The following EHMT2 variants were observed in gnomAD, a reference collection of about 807,000 sequenced individuals.
EHMT2 encodes histone-lysine N-methyltransferase EHMT2.
EHMT2 carries 59 observed loss-of-function variants against 143.3 expected under a neutral mutation model. That is an observed-to-expected ratio of 0.41 (90% CI 0.33 to 0.51). The LOEUF (loss-of-function observed/expected upper bound fraction) is 0.51, where lower values mean the gene tolerates loss of function less well. Among genes scored for constraint, EHMT2 ranks in the 20% least tolerant of loss-of-function variants. EHMT2 has a pLI of 0.18. For missense variants in EHMT2, 1,174 were observed against 1,645.9 expected, an observed-to-expected ratio of 0.71 and a Z score of 4.96; for synonymous variants, 604 against 651.5, an observed-to-expected ratio of 0.93 and a Z score of 1.11.
Position 31,889,716 on chromosome 6 carries a change from G to T in EHMT2, c.865-114C>A. 1 of 1,344,398 alleles carries T rather than the reference G, an allele frequency of 7.4e-7. No individual in the cohort carries two copies. The highest frequency in any genetic ancestry group is 1.0e-6 in the Non-Finnish European group (1 of 957,818). 83.3% of individuals were successfully genotyped at this position (1,344,398 alleles called of 1,614,324 possible). ...CCACTACCCACGGATGGCTGCTGGG[G>T]ATAAGTGTGGGTAGCAGAGGAGACA... On this transcript the variant is annotated intron_variant, in intron 7 of 27. Transcript: ENST00000375537. This position sits in a 1 kb window ranked among gnomAD's most constrained non-coding sequence, Gnocchi z 5.1.
Position 31,896,473 on chromosome 6 carries a change from A to ACAGCAAGG in EHMT2, c.371_372insCCTTGCTG (p.Ser125LeufsTer13). 6.2e-7 allele frequency: 1 copy of ACAGCAAGG among 1,612,822 alleles called. No homozygotes were observed. Among genetic ancestry groups the ACAGCAAGG allele is most frequent in the South Asian group, 1.1e-5 (1 of 91,068 alleles). On this transcript the variant is annotated frameshift_variant, in exon 4 of 28. Transcript: ENST00000375537. LOFTEE classifies it high-confidence loss of function. Reference sequence around the variant, plus strand: ...ACATCTTGGCCCGGCTAGGACAGGAACCCCCCTTGCTGGGGGAAGAGGGGA... The same window carrying ACAGCAAGG: ...ACATCTTGGCCCGGCTAGGACAGGAACAGCAAGGCCCCCCTTGCTGGGGGAAGAGGGGA...
rs748231118 is a variant in EHMT2, at chr6:31,889,327, G to A, written c.1015C>T (p.Arg339Trp). The stretch of plus-strand genomic sequence containing the variant: ...CGCCATTTCTTCTTGGCCTTGCGCC[G>A]GCCACTGGAACCACTCTGGGAAGGG... The change falls in exon 9 of 28, where the codon CGG becomes TGG. Residue 339 changes from arginine to tryptophan, a missense_variant. Coordinates refer to ENST00000375537, the Ensembl canonical transcript of EHMT2. The surrounding 1 kb of genome is among the most constrained non-coding windows in gnomAD (Gnocchi z 5.1). The A allele has an allele frequency of 1.9e-6, 3 of 1,611,976 alleles. No homozygotes were observed. Among genetic ancestry groups the A allele is most frequent in the Middle Eastern group, 3.3e-4 (2 of 6,062 alleles).
chr6:31,894,800 C>A (rs1369537094), intron 4 of EHMT2, among the ~76,000 whole-genome samples: 1 of 137,826 alleles, frequency 7.3e-6, no homozygotes, highest in East Asian at 2.2e-4. Context: ...CGCCACCACA[C>A]CTGGCTAATT....
rs1280518268 is a variant in EHMT2, at chr6:31,880,264, C to T, written c.3453G>A (p.Gly1151=). Residue 1151 remains glycine (G), a splice_region_variant and synonymous_variant, in exon 28 of 28, where the codon GGG becomes GGA. Transcript: ENST00000375537. The surrounding 1 kb of genome is among the most constrained non-coding windows in gnomAD (Gnocchi z 6.6). ...CCCAGAAGCGGTCGCCATAGTCAAA[C>T]CTGTCAGAGGAAAACAGGAGCTTGT... is the stretch of plus-strand genomic sequence containing the variant. The T allele has an allele frequency of 2.5e-6, 4 of 1,609,958 alleles. No homozygotes were observed. The highest frequency in any genetic ancestry group is 3.4e-6 in the Non-Finnish European group (4 of 1,177,532).
Position 31,896,918 on chromosome 6 carries a change from C to A in EHMT2, c.109+5G>T. Reference sequence around the variant, plus strand: ...CCAATTGGGGCCCGTTTTAGCTGCACTCACCTCTCTCGGTGGCTCCTCTGG... The same window carrying A: ...CCAATTGGGGCCCGTTTTAGCTGCAATCACCTCTCTCGGTGGCTCCTCTGG... On this transcript the variant is annotated splice_donor_5th_base_variant and intron_variant, in intron 2 of 27. Transcript: ENST00000375537. 6.2e-7 allele frequency: 1 copy of A among 1,603,904 alleles called. No individual in the cohort carries two copies. The highest frequency in any genetic ancestry group is 8.5e-7 in the Non-Finnish European group (1 of 1,176,644).
rs1384997595 is a variant in EHMT2 at position 31,880,713 on chromosome 6, A to C, written c.3412T>G (p.Phe1138Val). The stretch of plus-strand genomic sequence containing the variant: ...GTCCGGATGTCTCGGGAACTGAAGA[A>C]GGCGATGCGTGGAAATCGCAGGTCT... The change falls in exon 27 of 28, where the codon TTC becomes GTC. Residue 1138 changes from phenylalanine (F) to valine (V), a missense_variant. By Grantham distance (50) the Phe-to-Val change is conservative. Around this residue, in one of 6 missense-constraint regions of EHMT2, gnomAD observed 44 missense variants for 113.5 expected, o/e 0.39. Transcript: ENST00000375537. The surrounding 1 kb of genome is among the most constrained non-coding windows in gnomAD (Gnocchi z 6.6). 7 of 1,613,756 alleles carry C rather than the reference A, an allele frequency of 4.3e-6. No individual in the cohort carries two copies. The highest frequency in any genetic ancestry group is 2.7e-5 in the African/African-American group (2 of 74,866).
chr6:31,897,221 A>G, intron 1 of EHMT2: 6 of 1,216,802 alleles, frequency 4.9e-6, no homozygotes, highest in Non-Finnish European at 5.2e-6. Flanking sequence ...CCGAGAGAAG[A>G]GGAGGGGGAG....
intron 1 of EHMT2, 84 bp downstream of exon 1, chr6:31,897,552 C>A: frequency 9.3e-7 from 1 of 1,075,586 alleles, no homozygotes; most frequent in Non-Finnish European, 1.1e-6. Flanking sequence ...GGCCCCGTTG[C>A]ACCCCCGGAG....
rs76194925 is a variant in EHMT2 at position 31,889,377 on chromosome 6, C to T, written c.1000-35G>A. The T allele has an allele frequency of 0.016, 24,998 of 1,609,788 alleles. 276 individuals carry two copies. Among genetic ancestry groups the T allele is most frequent in the Non-Finnish European group, 0.016 (19,444 of 1,178,834 alleles). On this transcript the variant is annotated intron_variant, in intron 8 of 27. Coordinates refer to ENST00000375537, the Ensembl canonical transcript of EHMT2. This position sits in a 1 kb window ranked among gnomAD's most constrained non-coding sequence, Gnocchi z 5.1. The stretch of plus-strand genomic sequence containing the variant: ...GGGAGGAGGAGGAGTTAGGAACCCT[C>T]ACCCCCAGGGGCCCCCCCAACACCT...
chr6:31,886,623 G>A, exon 18 of EHMT2: 1 of 1,613,476 alleles, frequency 6.2e-7, no homozygotes, highest in Non-Finnish European at 8.5e-7. Context: ...GCAGCAGGCT[G>A]ACCATCTCCA....
At chr6:31,892,650 C>G (rs749705057) in intron 6 of EHMT2, 44 bp downstream of exon 6, 3 of 1,613,026 alleles carry the variant, frequency 1.9e-6, no homozygotes, top group Admixed American at 3.3e-5. Flanking sequence ...GACCCTCCCT[C>G]AGAGCAGCCC....
chr6:31,897,648 C>T, exon 1 of EHMT2: 1 of 1,164,802 alleles, frequency 8.6e-7, no homozygotes, highest in Non-Finnish European at 1.1e-6. Context: ...CGGCGGCCGC[C>T]GCCGCTGCAG....
intron 18 of EHMT2, chr6:31,885,286 G>A (rs1309020512): frequency 2.7e-6 from 1 of 377,262 alleles, no homozygotes; most frequent in African/African-American, 2.1e-5. Context: ...GGCCATTGTG[G>A]CCAACACGGT....
exon 1 of EHMT2, chr6:31,897,663 C>A (rs914315381): frequency 1.8e-6 from 2 of 1,131,550 alleles, no homozygotes; most frequent in African/African-American, 3.3e-5. Flanking sequence ...CTGCAGCTCC[C>A]GCCGCCGCCG....
chr6:31,888,796 C>A lies in EHMT2; in HGVS notation c.1217-49G>T, dbSNP rs962617014. 1 of 1,599,144 alleles carries A rather than the reference C, an allele frequency of 6.3e-7. No individual in the cohort carries two copies. The highest frequency in any genetic ancestry group is 8.5e-7 in the Non-Finnish European group (1 of 1,174,744). On this transcript the variant is annotated intron_variant, in intron 10 of 27. Coordinates refer to ENST00000375537, the Ensembl canonical transcript of EHMT2. This position sits in a 1 kb window ranked among gnomAD's most constrained non-coding sequence, Gnocchi z 7.4. ...TGAGGGAGGCTCTGCACCTCACCTA[C>A]TGGGACCCCTGGCGGGTCCTCTCAC...
intron 7 of EHMT2, 41 bp downstream of exon 7, chr6:31,892,366 G>C (rs752893991): frequency 6.2e-7 from 1 of 1,602,648 alleles, no homozygotes; most frequent in South Asian, 1.1e-5. Flanking sequence ...CCCCAGCCCT[G>C]GGGGAGCACC....
chr6:31,890,253 A>G (rs1427241873), intron 7 of EHMT2, among the ~76,000 whole-genome samples: 1 of 152,094 alleles, frequency 6.6e-6, no homozygotes, highest in Non-Finnish European at 1.5e-5. Context: ...AATGGCAAAA[A>G]AAAAAAATCT....
chr6:31,891,187 T>G (rs1765634960), intron 7 of EHMT2, among the ~76,000 whole-genome samples: 1 of 152,136 alleles, frequency 6.6e-6, no homozygotes, highest in Admixed American at 6.5e-5. Context: ...TCACGTGATC[T>G]GCCCGCCTTG....
rs758723204 is a variant in EHMT2, at chr6:31,897,087, G to A, written c.43-98C>T. 4 of 1,479,702 alleles carry A rather than the reference G, an allele frequency of 2.7e-6. No homozygotes were observed. In the Admixed American group the frequency reaches 7.6e-5, roughly 28 times the overall value. 91.7% of individuals were successfully genotyped at this position (1,479,702 alleles called of 1,614,324 possible). A position where few individuals can be genotyped will look rare whatever the true frequency, so the allele number is the denominator to read the frequency against. On this transcript the variant is annotated intron_variant, in intron 1 of 27. Coordinates refer to ENST00000375537, the Ensembl canonical transcript of EHMT2. ...CCTGGGAAGAGAGAGTAGGCTCCGGGGCCTACCTCTTCCTCTGTGGGGCCC... is the reference window on the plus strand; with the variant it reads ...CCTGGGAAGAGAGAGTAGGCTCCGGAGCCTACCTCTTCCTCTGTGGGGCCC...
Sources: allele counts gnomAD v4.1 joint callset (sites outside exome capture counted in the v4.1 genomes callset), GRCh38; gene constraint gnomAD v4.1.1; regional missense constraint gnomAD v4.1.1; non-coding constraint Gnocchi (gnomAD v3.1); transcripts MANE v1.5; gene names NCBI Gene and HGNC (gene_info 2026-07-23, HGNC 2026-07-21).